Variants in PYGB observed in about 807,000 individuals in gnomAD.
PYGB encodes the protein glycogen phosphorylase B.
In PYGB, 82 loss-of-function variants were observed where a neutral mutation model predicts 94.3. The ratio of observed to expected loss-of-function variants is 0.87; its 90% CI spans 0.73 to 1.04. PYGB has a LOEUF of 1.04. Among genes scored for constraint, PYGB ranks in the 50% least tolerant of loss-of-function variants. The probability of loss-of-function intolerance (pLI) is 0.00; values close to 1 mark genes in which losing one functional copy is unlikely to be tolerated. For synonymous variants in PYGB, 488 were observed against 479.1 expected (o/e 1.02, Z -0.24); for missense variants, 1,132 against 1,158.2 (o/e 0.98, Z 0.33).
rs183171167 is a variant in PYGB, at chr20:25,259,723, C to T, written c.345+385C>T. ...TTCCCTCCCTCCACCCCTGAGATGA[C>T]CTCCGGAGCTCACCCTAGTTGTCTA... On this transcript the variant is annotated intron_variant, in intron 2 of 19. Transcript: ENST00000216962. Among the ~76,000 whole-genome samples, 455 of 152,294 alleles carry T rather than the reference C, an allele frequency of 3.0e-3. 6 individuals are homozygous for T. The highest frequency in any genetic ancestry group is 2.5e-3 in the Non-Finnish European group (173 of 68,014).
At chr20:25,274,828 C>T (rs1043229224) in intron 5 of PYGB, 105 bp downstream of exon 5, 254 of 1,482,310 alleles carry the variant, frequency 1.7e-4, no homozygotes, top group Non-Finnish European at 2.3e-4. Flanking sequence ...GGGCTTGCTG[C>T]CTCCCTGGAG....
chr20:25,248,642 G>A (rs928214049), intron 1 of PYGB, among the ~76,000 whole-genome samples: 1 of 152,078 alleles, frequency 6.6e-6, no homozygotes, highest in Non-Finnish European at 1.5e-5. Flanking sequence ...CGCCCCACTG[G>A]GAGCCCGCGC....
At chr20:25,295,454 C>G (rs1771059471) in intron 18 of PYGB, 150 bp from the exon 19 acceptor site, 4 of 822,192 alleles carry the variant, frequency 4.9e-6, no homozygotes, top group Non-Finnish European at 8.0e-6. Flanking sequence ...CTGGTGCAGC[C>G]TGGCTCTGAC....
chr20:25,273,318 A>C (rs1206980328), intron 4 of PYGB, among the ~76,000 whole-genome samples: 1 of 152,110 alleles, frequency 6.6e-6, no homozygotes, highest in Non-Finnish European at 1.5e-5. Flanking sequence ...ACGCCACCAG[A>C]AGGGTCTTGC....
intron 2 of PYGB, among the ~76,000 whole-genome samples, chr20:25,266,015 T>A (rs1054590487): frequency 3.3e-5 from 5 of 152,176 alleles, no homozygotes; most frequent in Non-Finnish European, 4.4e-5. Flanking sequence ...GTGTTGATAG[T>A]ATATATTACT....
intron 5 of PYGB, among the ~76,000 whole-genome samples, chr20:25,275,143 G>A (rs887154444): frequency 2.6e-5 from 4 of 152,254 alleles, no homozygotes; most frequent in East Asian, 1.9e-4. Flanking sequence ...CGACAAGCTC[G>A]CTTGGCCTCC....
At chr20:25,271,684 G>A (rs2088270032) in intron 4 of PYGB, among the ~76,000 whole-genome samples, 198 bp downstream of exon 4, 1 of 152,212 alleles carries the variant, frequency 6.6e-6, no homozygotes, top group Non-Finnish European at 1.5e-5. Flanking sequence ...CCTGGGCCCT[G>A]TGTGAGCTTT....
chr20:25,266,251 GA>G (rs1281351555), intron 2 of PYGB, among the ~76,000 whole-genome samples: 2 of 106,032 alleles, frequency 1.9e-5, no homozygotes, highest in African/African-American at 4.2e-5. Flanking sequence ...TAGATCAATT[GA>G]TTTTTTTTTT....
chr20:25,281,001 T>C lies in PYGB; in HGVS notation c.1292T>C (p.Val431Ala). 1 of 1,614,136 alleles carries C rather than the reference T, an allele frequency of 6.2e-7. No homozygotes were observed. ...GTGGACCGCCTGCGCAGGATGTCTG[T>C]GATCGAGGAGGGGGACTGCAAGCGG... ...GDVDRLRRMS[V>A]IEEGDCKRIN... Residue 431 changes from valine to alanine, a missense_variant, in exon 11 of 20, where the codon GTG (valine) becomes GCG (alanine). By Grantham distance (64) the Val-to-Ala change is moderately conservative. Transcript: ENST00000216962.
intron 18 of PYGB, chr20:25,295,126 T>G: frequency 7.6e-7 from 1 of 1,310,562 alleles, no homozygotes; most frequent in Non-Finnish European, 1.1e-6. Context: ...TGTAGATTCA[T>G]AAATCTGGCA....
intron 9 of PYGB, among the ~76,000 whole-genome samples, chr20:25,279,890 A>G (rs1255846420): frequency 1.3e-5 from 2 of 152,202 alleles, no homozygotes; most frequent in South Asian, 2.1e-4. Flanking sequence ...TGTAGTAACC[A>G]GTGTCCTCCC....
chr20:25,290,929 C>T (rs539397655), intron 16 of PYGB, among the ~76,000 whole-genome samples: 4 of 152,194 alleles, frequency 2.6e-5, no homozygotes, highest in African/African-American at 9.6e-5. Flanking sequence ...TCCTCCTGCC[C>T]CTCAGCCGTG....
At chr20:25,252,827 A>G (rs1234830999) in intron 1 of PYGB, among the ~76,000 whole-genome samples, 2 of 152,122 alleles carry the variant, frequency 1.3e-5, no homozygotes, top group African/African-American at 4.8e-5. Flanking sequence ...GCCATTGGTG[A>G]TGAGCTCAGC....
chr20:25,285,477 T>C (rs1231212099), intron 14 of PYGB: 2 of 151,690 alleles, frequency 1.3e-5, no homozygotes, highest in Non-Finnish European at 2.9e-5. Flanking sequence ...CCACCCCCAG[T>C]CGTCAGTTGT....
At chr20:25,285,737 C>T (rs2088412602) in intron 14 of PYGB, 1 of 152,164 alleles carries the variant, frequency 6.6e-6, no homozygotes, top group Non-Finnish European at 1.5e-5. Context: ...ACCTGCGTCT[C>T]CTTCCCCCAC....
Position 25,282,277 on chromosome 20 carries a change from C to G in PYGB, c.1518+130C>G, listed in dbSNP as rs970449995. 6.1e-5 allele frequency: 45 copies of G among 741,920 alleles called. No individual in the cohort carries two copies. In the South Asian group the frequency reaches 8.3e-4, roughly 14 times the overall value. The allele number at this position is 741,920 out of a possible 1,614,324, so 46.0% of individuals were successfully genotyped here. A position where few individuals can be genotyped will look rare whatever the true frequency, so the allele number is the denominator to read the frequency against. ...CCCTCACGTGTTGACCTGCAGGCTT[C>G]TGGACATGAGGGCTGAGCCCCTGAA... On this transcript the variant is annotated intron_variant, in intron 12 of 19. Coordinates refer to ENST00000216962, the MANE Select transcript of PYGB (RefSeq NM_002862.4).
chr20:25,252,180 T>C (rs983532979), intron 1 of PYGB, among the ~76,000 whole-genome samples: 2 of 152,258 alleles, frequency 1.3e-5, no homozygotes, highest in Non-Finnish European at 2.9e-5. Context: ...TGTTTTGTGT[T>C]GCTGACAGCT....
chr20:25,271,148 G>A (rs1047539416), intron 3 of PYGB, among the ~76,000 whole-genome samples: 2 of 152,076 alleles, frequency 1.3e-5, no homozygotes, highest in East Asian at 3.9e-4. Context: ...AGTTCTCTAG[G>A]ATTCTTCATC....
chr20:25,261,659 G>C (rs1373559520), intron 2 of PYGB, among the ~76,000 whole-genome samples: 1 of 152,210 alleles, frequency 6.6e-6, no homozygotes, highest in Non-Finnish European at 1.5e-5. Context: ...AGAGGAGAAG[G>C]CTTCAGACGA....
Sources: allele counts gnomAD v4.1 joint callset (sites outside exome capture counted in the v4.1 genomes callset), GRCh38; gene constraint gnomAD v4.1.1; transcripts MANE v1.5; gene names NCBI Gene and HGNC (gene_info 2026-07-23, HGNC 2026-07-21).